Variants in PHKB observed in about 807,000 individuals in gnomAD.
PHKB encodes the protein phosphorylase b kinase regulatory subunit beta.
PHKB carries 122 observed loss-of-function variants against 152.1 expected under a neutral mutation model. That is an observed-to-expected ratio of 0.80 (90% CI 0.69 to 0.93). The LOEUF (loss-of-function observed/expected upper bound fraction) is 0.93. Ranked by LOEUF, PHKB falls within the 40% of genes least tolerant of loss-of-function variation. The probability of loss-of-function intolerance (pLI) is 0.00; values close to 1 mark genes in which losing one functional copy is unlikely to be tolerated. For missense variants in PHKB, 1,304 were observed against 1,328.4 expected (o/e 0.98, Z 0.29); for synonymous variants, 436 against 464.9 (o/e 0.94, Z 0.80).
chr16:47,629,242 C>T (rs1972774053), intron 14 of PHKB, among the ~76,000 whole-genome samples: 1 of 152,002 alleles, frequency 6.6e-6, no homozygotes, highest in Non-Finnish European at 1.5e-5. Flanking sequence ...AGGCAACCTA[C>T]AAAATGGGAG....
chr16:47,699,255 T>A lies in PHKB; in HGVS notation c.3171T>A (p.Thr1057=), dbSNP rs1007554526. ...ATGACATGACTTCCTTTTACAACAC[T>A]CCTCCCCTGGGAAAAAGAGGAACAT... The part of the protein sequence containing the change: ...KQDDMTSFYN[T]PPLGKRGTCS... The change falls in exon 31 of 31, where the codon ACT becomes ACA. Residue 1057 remains threonine, a synonymous_variant. Coordinates refer to ENST00000323584, the MANE Select transcript of PHKB (RefSeq NM_000293.3). 3 of 1,613,784 alleles carry A rather than the reference T, an allele frequency of 1.9e-6. No homozygotes were observed. Among genetic ancestry groups the A allele is most frequent in the Admixed American group, 3.3e-5 (2 of 60,004 alleles).
intron 7 of PHKB, among the ~76,000 whole-genome samples, chr16:47,548,346 C>A (rs142150073): frequency 6.6e-6 from 1 of 152,122 alleles, no homozygotes; most frequent in Non-Finnish European, 1.5e-5. Context: ...CGGTGGCTCA[C>A]GCCTGTAATC....
intron 7 of PHKB, among the ~76,000 whole-genome samples, chr16:47,568,371 T>C (rs1236861057): frequency 3.9e-5 from 6 of 152,234 alleles, no homozygotes; most frequent in African/African-American, 1.2e-4. Flanking sequence ...GCAGTATCAG[T>C]TATAATGTCT....
chr16:47,508,228 A>G (rs1970453112), intron 4 of PHKB, among the ~76,000 whole-genome samples: 1 of 152,106 alleles, frequency 6.6e-6, no homozygotes, highest in Admixed American at 6.6e-5. Flanking sequence ...TCTGGGTTTT[A>G]TTGTCTTGAC....
chr16:47,683,298 C>CA (rs1402093735), intron 26 of PHKB, among the ~76,000 whole-genome samples: 1 of 152,202 alleles, frequency 6.6e-6, no homozygotes, highest in Non-Finnish European at 1.5e-5. Context: ...AGCTGTCAGA[C>CA]GGGACATTTA....
chr16:47,566,781 C>T, intron 7 of PHKB: 2 of 738,972 alleles, frequency 2.7e-6, no homozygotes, highest in Admixed American at 3.5e-5. Context: ...ATGAGCCCAG[C>T]TGACTGGTTT....
intron 20 of PHKB, among the ~76,000 whole-genome samples, chr16:47,655,331 T>G (rs182979920): frequency 9.8e-4 from 149 of 152,336 alleles, no homozygotes; most frequent in African/African-American, 3.6e-3. Context: ...TAAAAGATGT[T>G]TATTTTAAGA....
At chr16:47,487,855 G>A (rs138615053) in intron 1 of PHKB, among the ~76,000 whole-genome samples, 5 of 152,240 alleles carry the variant, frequency 3.3e-5, no homozygotes, top group East Asian at 1.9e-4. Flanking sequence ...GGGCTCCTGC[G>A]TTGAGTCCAT....
chr16:47,552,330 A>T (rs890071814), intron 7 of PHKB, among the ~76,000 whole-genome samples: 1 of 152,112 alleles, frequency 6.6e-6, no homozygotes, highest in African/African-American at 2.4e-5. Context: ...ACCATTTGGC[A>T]TGTTTTTGCA....
chr16:47,468,630 G>T (rs1408177319), intron 1 of PHKB, among the ~76,000 whole-genome samples: 2 of 152,198 alleles, frequency 1.3e-5, no homozygotes, highest in African/African-American at 4.8e-5. Flanking sequence ...TCCAGCCTGG[G>T]CAACAAGATC....
chr16:47,576,159 C>T (rs1450167728), intron 7 of PHKB, among the ~76,000 whole-genome samples: 1 of 152,182 alleles, frequency 6.6e-6, no homozygotes, highest in Non-Finnish European at 1.5e-5. Context: ...AACAAAACTG[C>T]ACTTGTGCCC....
Position 47,503,063 on chromosome 16 carries a change from C to T in PHKB, c.378C>T (p.Leu126=), listed in dbSNP as rs1420042263. 4 of 1,610,810 alleles carry T rather than the reference C, an allele frequency of 2.5e-6. No homozygotes were observed. Among genetic ancestry groups the T allele is most frequent in the Non-Finnish European group, 2.5e-6 (3 of 1,176,952 alleles). ...CTATAAAATGCATGAGAGGAATTCT[C>T]TACTGCTATATGCGTCAGGCCGATA... ...HSAIKCMRGI[L]YCYMRQADKV... is the part of the protein sequence containing the mutation. Residue 126 remains leucine, a synonymous_variant, in exon 4 of 31, where the codon CTC becomes CTT. Coordinates refer to ENST00000323584, the MANE Select transcript of PHKB (RefSeq NM_000293.3).
intron 26 of PHKB, among the ~76,000 whole-genome samples, chr16:47,687,283 TTTA>T (rs1973981391): frequency 6.6e-6 from 1 of 152,194 alleles, no homozygotes; most frequent in Non-Finnish European, 1.5e-5. Context: ...CACTGAGTAG[TTTA>T]TTGTAACTAA....
At chr16:47,548,185 G>A (rs574992829) in intron 7 of PHKB, 1 of 152,624 alleles carries the variant, frequency 6.6e-6, no homozygotes, top group East Asian at 1.9e-4. Flanking sequence ...TTTATGCCTA[G>A]GAGATCATAT....
chr16:47,675,519 A>ACACACTCTCTCTCTCT (rs1491544334), intron 26 of PHKB: 37 of 88,094 alleles, frequency 4.2e-4, no homozygotes, highest in African/African-American at 1.1e-3. Context: ...ACACACACAC[A>ACACACTCTCTCTCTCT]CTCTCTCTCT....
At chr16:47,582,162 A>G (rs147098153) in intron 8 of PHKB, among the ~76,000 whole-genome samples, 63 of 152,296 alleles carry the variant, frequency 4.1e-4, no homozygotes, top group African/African-American at 1.3e-3. Flanking sequence ...GTGACATACC[A>G]AATACTGAGC....
In PHKB at chr16:47,461,389, G is replaced by C; in HGVS notation, c.39G>C (p.Trp13Cys). The change falls in exon 1 of 31, where the codon TGG (tryptophan) becomes TGC (cysteine). Residue 13 changes from tryptophan to cysteine, a missense_variant. Transcript: ENST00000323584. ...GAAGLTAEVS[W>C]KVLERRARTK... The stretch of plus-strand genomic sequence containing the variant: ...CGGGACTCACGGCAGAAGTGAGCTG[G>C]AAGGTCTTGGAGCGAAGAGCTCGGA... 6.2e-7 allele frequency: 1 copy of C among 1,613,116 alleles called. No homozygotes were observed. Among genetic ancestry groups the C allele is most frequent in the Non-Finnish European group, 8.5e-7 (1 of 1,179,790 alleles).
At chr16:47,517,880 A>C (rs142494612) in intron 6 of PHKB, among the ~76,000 whole-genome samples, 4 of 152,202 alleles carry the variant, frequency 2.6e-5, no homozygotes, top group Non-Finnish European at 5.9e-5. Flanking sequence ...CTAGAGTAAT[A>C]AAACATGTCA....
chr16:47,511,836 C>T lies in PHKB; in HGVS notation c.513+64C>T, dbSNP rs929119153. On this transcript the variant is annotated intron_variant, in intron 5 of 30. Coordinates refer to ENST00000323584, the MANE Select transcript of PHKB (RefSeq NM_000293.3). ...ATAGCATAGAACAGTGATCCCCAACCTTTTTGGCACCAGGGACTAGTTTTG... is the reference window on the plus strand; with the variant it reads ...ATAGCATAGAACAGTGATCCCCAACTTTTTTGGCACCAGGGACTAGTTTTG... 1.2e-5 allele frequency: 13 copies of T among 1,084,276 alleles called. No individual in the cohort carries two copies. In the African/African-American group the frequency reaches 1.7e-4, roughly 14 times the overall value. 67.2% of individuals were successfully genotyped at this position (1,084,276 alleles called of 1,614,324 possible). A position where few individuals can be genotyped will look rare whatever the true frequency, so the allele number is the denominator to read the frequency against.
Sources: allele counts gnomAD v4.1 joint callset (sites outside exome capture counted in the v4.1 genomes callset), GRCh38; gene constraint gnomAD v4.1.1; transcripts MANE v1.5; gene names NCBI Gene and HGNC (gene_info 2026-07-23, HGNC 2026-07-21).